Variants in RIGI observed in about 807,000 individuals in gnomAD.
RIGI encodes the protein RNA sensor RIG-I.
the RIGI span, among the ~76,000 whole-genome samples, chr9:32,486,590 T>TA: frequency 6.6e-6 from 1 of 150,462 alleles, no homozygotes; most frequent in Non-Finnish European, 1.5e-5. Flanking sequence ...AGAGTAGTCA[T>TA]GTATATTCCA....
At chr9:32,472,939 A>G in the RIGI span, 1 of 1,463,760 alleles carries the variant, frequency 6.8e-7, no homozygotes, top group Non-Finnish European at 9.4e-7. Flanking sequence ...TCTTAAATGC[A>G]TAATCCACTA....
At chr9:32,500,566 T>C in the RIGI span, among the ~76,000 whole-genome samples, 1 of 152,218 alleles carries the variant, frequency 6.6e-6, no homozygotes, top group Admixed American at 6.5e-5. Context: ...ACTGGTCTTA[T>C]ATCCAAATAA....
chr9:32,472,332 C>T, the RIGI span, among the ~76,000 whole-genome samples: 40 of 152,330 alleles, frequency 2.6e-4, no homozygotes, highest in African/African-American at 9.6e-4. Context: ...GTCTGCAGGA[C>T]ATATGAGAGG....
At chr9:32,516,041 T>C in the RIGI span, among the ~76,000 whole-genome samples, 2 of 152,188 alleles carry the variant, frequency 1.3e-5, no homozygotes, top group African/African-American at 2.4e-5. Flanking sequence ...AAAACAGAAA[T>C]TGACCCTTCT....
chr9:32,510,191 C>T, the RIGI span, among the ~76,000 whole-genome samples: 1 of 152,046 alleles, frequency 6.6e-6, no homozygotes, highest in Admixed American at 6.6e-5. Context: ...GAGAACGTCC[C>T]CAACCTAGCA....
the RIGI span, among the ~76,000 whole-genome samples, chr9:32,495,112 T>C: frequency 6.6e-6 from 1 of 152,232 alleles, no homozygotes; most frequent in African/African-American, 2.4e-5. Flanking sequence ...CTGTTTTCCA[T>C]GGCTGTTAAC....
chr9:32,504,772 C>T, the RIGI span, among the ~76,000 whole-genome samples: 1 of 121,912 alleles, frequency 8.2e-6, no homozygotes, highest in African/African-American at 3.3e-5. Flanking sequence ...ATATTTAATA[C>T]ATAAAATATA....
chr9:32,457,297 T>C, the RIGI span: 1 of 1,614,136 alleles, frequency 6.2e-7, no homozygotes, highest in Non-Finnish European at 8.5e-7. Context: ...ATGGCTGCAG[T>C]TCTGTCGGGC....
At chr9:32,461,897 G>C in the RIGI span, among the ~76,000 whole-genome samples, 6 of 152,044 alleles carry the variant, frequency 3.9e-5, no homozygotes, top group Non-Finnish European at 8.8e-5. Flanking sequence ...CTTTCAATAT[G>C]GTTTGTGACA....
the RIGI span, among the ~76,000 whole-genome samples, chr9:32,472,714 T>C: frequency 6.6e-6 from 1 of 152,190 alleles, no homozygotes; most frequent in African/African-American, 2.4e-5. Context: ...TTGTGTAAAA[T>C]TCCTTGCAAG....
At chr9:32,484,185 G>A in the RIGI span, among the ~76,000 whole-genome samples, 3 of 152,138 alleles carry the variant, frequency 2.0e-5, no homozygotes, top group Non-Finnish European at 4.4e-5. Flanking sequence ...TTATCCTGTA[G>A]GCAAAGGGTT....
the RIGI span, chr9:32,500,880 G>A: frequency 6.2e-7 from 1 of 1,614,144 alleles, no homozygotes; most frequent in Non-Finnish European, 8.5e-7. Flanking sequence ...TTGAGAAAAA[G>A]TGTGGCAGCC....
At chr9:32,514,426 G>A in the RIGI span, among the ~76,000 whole-genome samples, 2 of 152,122 alleles carry the variant, frequency 1.3e-5, no homozygotes, top group African/African-American at 2.4e-5. Context: ...TCCTTTGCAG[G>A]GTCATGGATG....
chr9:32,493,689 C>T, the RIGI span: 25 of 998,286 alleles, frequency 2.5e-5, no homozygotes, highest in Non-Finnish European at 3.5e-5. Context: ...AGGTCTAAAA[C>T]AGTATAGAAA....
the RIGI span, among the ~76,000 whole-genome samples, chr9:32,506,500 T>C: frequency 6.6e-6 from 1 of 152,184 alleles, no homozygotes; most frequent in East Asian, 1.9e-4. Context: ...TATTTCTTAA[T>C]ACATTTCCTG....
At chr9:32,522,988 A>G in the RIGI span, among the ~76,000 whole-genome samples, 1 of 152,212 alleles carries the variant, frequency 6.6e-6, no homozygotes, top group Non-Finnish European at 1.5e-5. Context: ...ACTGAAACTC[A>G]TCAGACCATC....
At chr9:32,506,743 T>C in the RIGI span, among the ~76,000 whole-genome samples, 1 of 152,224 alleles carries the variant, frequency 6.6e-6, no homozygotes, top group Non-Finnish European at 1.5e-5. Flanking sequence ...TGAACTCTGT[T>C]AGTTCCAGTA....
At chr9:32,499,709 T>C in the RIGI span, among the ~76,000 whole-genome samples, 1 of 152,010 alleles carries the variant, frequency 6.6e-6, no homozygotes, top group African/African-American at 2.4e-5. Context: ...GCCTGCCTCA[T>C]CCTCCCAAAG....
chr9:32,500,895 T>C, the RIGI span: 154 of 1,614,170 alleles, frequency 9.5e-5, no homozygotes, highest in East Asian at 8.0e-4. Context: ...GCAGCCTCCA[T>C]TGGGCCCTTG....
Sources: allele counts gnomAD v4.1 joint callset (sites outside exome capture counted in the v4.1 genomes callset), GRCh38; gene constraint gnomAD v4.1.1; transcripts MANE v1.5; gene names NCBI Gene and HGNC (gene_info 2026-07-23, HGNC 2026-07-21).